The following PTPRN2 variants were observed in gnomAD, a reference collection of about 807,000 sequenced individuals.
PTPRN2 encodes protein tyrosine phosphatase receptor type N2, also known as receptor-type tyrosine-protein phosphatase N2.
A neutral mutation model predicts 118.8 loss-of-function variants in PTPRN2; 74 were observed. That is an observed-to-expected ratio of 0.62 (90% CI 0.52 to 0.76). The LOEUF (loss-of-function observed/expected upper bound fraction) is 0.76, where lower values mean the gene tolerates loss of function less well. PTPRN2 is among the 30% of genes least tolerant of loss of function. The pLI, the probability that PTPRN2 is intolerant of heterozygous loss-of-function variation, is 0.00. For missense variants in PTPRN2, 1,481 were observed against 1,394.4 expected, an observed-to-expected ratio of 1.06 and a Z score of -0.99; for synonymous variants, 641 against 608.0, an observed-to-expected ratio of 1.05 and a Z score of -0.80.
intron 6 of PTPRN2, among the ~76,000 whole-genome samples, chr7:158,157,541 CT>C (rs1333989024): frequency 6.6e-6 from 1 of 152,212 alleles, no homozygotes; most frequent in African/African-American, 2.4e-5. Context: ...GGGGAGCCTC[CT>C]CCCCCTGGGA....
chr7:157,906,330 C>T (rs113060476), intron 11 of PTPRN2, among the ~76,000 whole-genome samples: 2,452 of 152,342 alleles, frequency 0.016, 34 homozygotes, highest in Non-Finnish European at 0.025. Context: ...GCTGCCGTGT[C>T]GCCGACTAAC....
chr7:158,440,555 C>T (rs1034973585), intron 2 of PTPRN2, among the ~76,000 whole-genome samples: 19 of 143,992 alleles, frequency 1.3e-4, no homozygotes, highest in East Asian at 2.1e-4. Context: ...GTGGCAGTGG[C>T]GGCGGTGGTG....
intron 2 of PTPRN2, among the ~76,000 whole-genome samples, chr7:158,326,580 C>T (rs756556483): frequency 3.9e-5 from 6 of 151,904 alleles, no homozygotes; most frequent in Non-Finnish European, 8.8e-5. Context: ...ACATACACGT[C>T]CTCACACATG....
At chr7:158,269,273 G>A (rs550484788) in intron 3 of PTPRN2, among the ~76,000 whole-genome samples, 298 of 152,286 alleles carry the variant, frequency 2.0e-3, no homozygotes, top group African/African-American at 6.5e-3. Flanking sequence ...ACAAGGAGAC[G>A]GCCCTCACCT....
chr7:157,894,326 ATCC>A (rs1172835779), intron 12 of PTPRN2, among the ~76,000 whole-genome samples: 46 of 152,028 alleles, frequency 3.0e-4, no homozygotes, highest in African/African-American at 1.0e-3. Flanking sequence ...CTTTCTGTGG[ATCC>A]AAGTGTGTGG....
chr7:157,669,664 A>T, intron 13 of PTPRN2: 1 of 383,694 alleles, frequency 2.6e-6, no homozygotes, highest in Non-Finnish European at 5.2e-6. Context: ...ATGTTTTCTC[A>T]AAACAAAAAT....
rs115176497 is a variant in PTPRN2, at chr7:157,653,432, G to A, written c.2196+2925C>T. Reference sequence around the variant, plus strand: ...GGCTGCCTTGTAGCTGTGATGAGTCGGAAGGTCGGCGACTCTGATGCGTTC... The same window carrying A: ...GGCTGCCTTGTAGCTGTGATGAGTCAGAAGGTCGGCGACTCTGATGCGTTC... On this transcript the variant is annotated intron_variant, in intron 14 of 22. Transcript: ENST00000389418. 9.7e-4 allele frequency among the ~76,000 whole-genome samples: 148 copies of A among 152,252 alleles called. 3 individuals are homozygous for A. Among genetic ancestry groups the A allele is most frequent in the African/African-American group, 3.3e-3 (137 of 41,548 alleles).
chr7:158,063,635 G>A (rs1373694508), intron 11 of PTPRN2, among the ~76,000 whole-genome samples: 1 of 152,142 alleles, frequency 6.6e-6, no homozygotes, highest in Non-Finnish European at 1.5e-5. Flanking sequence ...TCACCATGAA[G>A]GTCTGCAGCT....
At chr7:158,302,435 A>G (rs1800963608) in intron 3 of PTPRN2, among the ~76,000 whole-genome samples, 1 of 152,248 alleles carries the variant, frequency 6.6e-6, no homozygotes, top group Admixed American at 6.5e-5. Flanking sequence ...TCACAGGATC[A>G]GCTCGGTCCT....
At chr7:158,224,459 T>G (rs992845189) in intron 3 of PTPRN2, among the ~76,000 whole-genome samples, 11 of 152,210 alleles carry the variant, frequency 7.2e-5, no homozygotes, top group Non-Finnish European at 1.2e-4. Flanking sequence ...AAGTTATTTT[T>G]GACAAAGATG....
At chr7:157,704,669 C>T (rs1049049970) in intron 12 of PTPRN2, among the ~76,000 whole-genome samples, 1 of 152,162 alleles carries the variant, frequency 6.6e-6, no homozygotes, top group African/African-American at 2.4e-5. Context: ...TCCTTCTCAG[C>T]ACCTCCTGAG....
At chr7:158,488,012 A>G (rs1821152967) in intron 2 of PTPRN2, among the ~76,000 whole-genome samples, 1 of 152,168 alleles carries the variant, frequency 6.6e-6, no homozygotes, top group African/African-American at 2.4e-5. Context: ...AGGCAAGTCA[A>G]GGTTGAGGAG....
chr7:158,367,725 A>T (rs1809648464), intron 2 of PTPRN2, among the ~76,000 whole-genome samples: 1 of 152,204 alleles, frequency 6.6e-6, no homozygotes, highest in Non-Finnish European at 1.5e-5. Context: ...TCTTGAACCC[A>T]TCCATGGCTA....
chr7:157,923,083 A>G lies in PTPRN2; in HGVS notation c.1724-24346T>C, dbSNP rs1204467945. On this transcript the variant is annotated intron_variant, in intron 11 of 22. Coordinates refer to ENST00000389418, the MANE Select transcript of PTPRN2 (RefSeq NM_002847.5). ...CAGTGTTTAATGTAAAATTTAGCCTAGGCTGTGTGTGTCAATAAAGGTCTA... is the reference window on the plus strand; with the variant it reads ...CAGTGTTTAATGTAAAATTTAGCCTGGGCTGTGTGTGTCAATAAAGGTCTA... 3.9e-5 allele frequency among the ~76,000 whole-genome samples: 6 copies of G among 152,234 alleles called. No individual in the cohort carries two copies. In the East Asian group the frequency reaches 1.2e-3, roughly 29 times the overall value.
intron 12 of PTPRN2, among the ~76,000 whole-genome samples, chr7:157,882,761 C>T (rs568688602): frequency 2.0e-4 from 29 of 147,118 alleles, no homozygotes; most frequent in Non-Finnish European, 2.2e-4. Flanking sequence ...AAATGACTGT[C>T]GGAGAACAGA....
At chr7:158,125,349 C>T (rs943468895) in intron 9 of PTPRN2, among the ~76,000 whole-genome samples, 3 of 150,484 alleles carry the variant, frequency 2.0e-5, no homozygotes, top group Non-Finnish European at 3.0e-5. Flanking sequence ...CCCACAGCCG[C>T]CCCCTGCCTC....
chr7:158,027,023 A>C (rs1270318278), intron 11 of PTPRN2, among the ~76,000 whole-genome samples: 1 of 152,118 alleles, frequency 6.6e-6, no homozygotes, highest in Non-Finnish European at 1.5e-5. Context: ...ATTCACGGGC[A>C]CAGCACACCT....
At chr7:158,145,656 G>A (rs1157604009) in intron 6 of PTPRN2, among the ~76,000 whole-genome samples, 1 of 152,234 alleles carries the variant, frequency 6.6e-6, no homozygotes, top group Non-Finnish European at 1.5e-5. Flanking sequence ...AACCAACAGG[G>A]GCTCCCCTGC....
chr7:157,920,628 A>G (rs547017728), intron 11 of PTPRN2, among the ~76,000 whole-genome samples: 63 of 152,216 alleles, frequency 4.1e-4, no homozygotes, highest in Non-Finnish European at 7.9e-4. Flanking sequence ...CAGCCGCACA[A>G]ACAGAGCTGC....
Sources: allele counts gnomAD v4.1 joint callset (sites outside exome capture counted in the v4.1 genomes callset), GRCh38; gene constraint gnomAD v4.1.1; transcripts MANE v1.5; gene names NCBI Gene and HGNC (gene_info 2026-07-23, HGNC 2026-07-21).